ADGRA2: variants seen among roughly 807,000 people sequenced by gnomAD.
ADGRA2 encodes adhesion G protein-coupled receptor A2, also known as G-protein coupled receptor 124.
ADGRA2 carries 61 observed loss-of-function variants against 98.7 expected under a neutral mutation model. That is an observed-to-expected ratio of 0.62 (90% confidence interval 0.50 to 0.76). The LOEUF (loss-of-function observed/expected upper bound fraction) is 0.76. Ranked by LOEUF, ADGRA2 falls within the 30% of genes least tolerant of loss-of-function variation. ADGRA2 has a pLI of 0.00. For missense variants in ADGRA2, 1,712 were observed against 1,860.0 expected, an observed-to-expected ratio of 0.92 and a Z score of 1.46; for synonymous variants, 858 against 831.5, an observed-to-expected ratio of 1.03 and a Z score of -0.55.
intron 8 of ADGRA2, 33 bp downstream of exon 8, chr8:37,831,620 C>A: frequency 6.2e-7 from 1 of 1,600,224 alleles, no homozygotes. Flanking sequence ...GAGGGCTGCC[C>A]AGCCCCCAAC....
Position 37,830,054 on chromosome 8 carries a change from T to G in ADGRA2, c.718+40T>G. On this transcript the variant is annotated intron_variant, in intron 6 of 18. Coordinates refer to ENST00000412232, the MANE Select transcript of ADGRA2 (RefSeq NM_032777.10). The surrounding 1 kb of genome is among the most constrained non-coding windows in gnomAD (Gnocchi z 4.8). Reference sequence around the variant, plus strand: ...CCAGCTACACATCTCCCAGGGACCCTGCCTCTCCACCAACCCAGGGCCCAG... The same window carrying G: ...CCAGCTACACATCTCCCAGGGACCCGGCCTCTCCACCAACCCAGGGCCCAG... 7.2e-7 allele frequency: 1 copy of G among 1,389,668 alleles called. No homozygotes were observed. The highest frequency in any genetic ancestry group is 9.6e-7 in the Non-Finnish European group (1 of 1,040,280). The allele number at this position is 1,389,668 out of a possible 1,614,324, so 86.1% of individuals were successfully genotyped here.
chr8:37,829,555 G>A lies in ADGRA2; in HGVS notation c.550G>A (p.Val184Ile), dbSNP rs1805392471. ...GVFDELPALK[V>I]VDLGTEFLTC... ...CTTTGATGAGCTGCCAGCCCTTAAG[G>A]TTGTGTGAGTATCTCTTCCTAGCTC... The change falls in exon 5 of 19, where the codon GTT becomes ATT. Residue 184 changes from valine (V) to isoleucine (I), a missense_variant. Transcript: ENST00000412232. 1.9e-6 allele frequency: 3 copies of A among 1,607,074 alleles called. No individual in the cohort carries two copies. Among genetic ancestry groups the A allele is most frequent in the African/African-American group, 1.3e-5 (1 of 74,746 alleles).
At chr8:37,806,510 TTTC>T (rs1223990303) in intron 1 of ADGRA2, among the ~76,000 whole-genome samples, 2 of 136,564 alleles carry the variant, frequency 1.5e-5, no homozygotes, top group Non-Finnish European at 3.1e-5. Flanking sequence ...TCTTTTTCTT[TTTC>T]TTTTTTCTTT....
chr8:37,841,994 G>A lies in ADGRA2; in HGVS notation c.3656G>A (p.Ser1219Asn). The part of the protein sequence containing the change: ...AGALELLSSE[S>N]GSLHNSPTDS... ...GCGCTGGAGCTGCTGTCCAGCGAGA[G>A]CGGCAGTCTGCACAACAGCCCCACC... Residue 1219 changes from serine to asparagine, a missense_variant, in exon 19 of 19, where the codon AGC (serine) becomes AAC (asparagine). Physicochemically the swap from Ser to Asn is conservative, Grantham distance 46. Coordinates refer to ENST00000412232, the MANE Select transcript of ADGRA2 (RefSeq NM_032777.10). This position sits in a 1 kb window ranked among gnomAD's most constrained non-coding sequence, Gnocchi z 5.0. 1 of 1,512,868 alleles carries A rather than the reference G, an allele frequency of 6.6e-7. No individual in the cohort carries two copies. Among genetic ancestry groups the A allele is most frequent in the Non-Finnish European group, 8.8e-7 (1 of 1,138,312 alleles). 93.7% of individuals were successfully genotyped at this position (1,512,868 alleles called of 1,614,324 possible). A position where few individuals can be genotyped will look rare whatever the true frequency, so the allele number is the denominator to read the frequency against.
chr8:37,809,731 C>T (rs1420315326), intron 1 of ADGRA2, among the ~76,000 whole-genome samples: 1 of 152,168 alleles, frequency 6.6e-6, no homozygotes, highest in Non-Finnish European at 1.5e-5. Flanking sequence ...CTAGCCAAAC[C>T]GGAAGCGTGG....
rs1303562480 is a variant in ADGRA2, at chr8:37,841,785, G to GAA, written c.3447_3448insAA (p.Gly1150LysfsTer154). The GAA allele has an allele frequency of 8.5e-6, 13 of 1,533,488 alleles. No individual in the cohort carries two copies. Among genetic ancestry groups the GAA allele is most frequent in the African/African-American group, 4.2e-5 (3 of 72,072 alleles). The allele number at this position is 1,533,488 out of a possible 1,614,324, so 95.0% of individuals were successfully genotyped here. ...TGGCCCAGAGTCAGGTGTGCGAGGC[G>GAA]GGGGCGGCGGCCGGCGGGGAAGGAG... On this transcript the variant is annotated frameshift_variant, in exon 19 of 19. Transcript: ENST00000412232. LOFTEE classifies it low-confidence loss of function (END_TRUNC). This position sits in a 1 kb window ranked among gnomAD's most constrained non-coding sequence, Gnocchi z 5.0.
In ADGRA2 at chr8:37,802,278, G is replaced by C. The variant is rs1393228632; in HGVS notation, c.266+4744G>C. Among the ~76,000 whole-genome samples the C allele has an allele frequency of 6.6e-6, 1 of 152,194 alleles. No individual in the cohort carries two copies. On this transcript the variant is annotated intron_variant, in intron 1 of 18. Transcript: ENST00000412232. The surrounding 1 kb of genome is among the most constrained non-coding windows in gnomAD (Gnocchi z 4.7). The stretch of plus-strand genomic sequence containing the variant: ...GTGCCAAGCGTCGTGCACATGGCCC[G>C]AGGGCAGGACAAGGATGCTGGTGGA...
chr8:37,800,718 T>C lies in ADGRA2; in HGVS notation c.266+3184T>C, dbSNP rs544124530. 9.2e-5 allele frequency among the ~76,000 whole-genome samples: 14 copies of C among 152,296 alleles called. No individual in the cohort carries two copies. In the South Asian group the frequency reaches 2.7e-3, roughly 29 times the overall value. On this transcript the variant is annotated intron_variant, in intron 1 of 18. Coordinates refer to ENST00000412232, the MANE Select transcript of ADGRA2 (RefSeq NM_032777.10). ...ATCTGGGAAGGAGGGAGCTGCCGCT[T>C]CTTTTGCCCAGCAGCAAAGCCAGAG...
intron 17 of ADGRA2, 113 bp from the exon 18 acceptor site, chr8:37,840,644 GATA>G: frequency 1.4e-6 from 1 of 695,052 alleles, no homozygotes; most frequent in East Asian, 2.7e-5. Flanking sequence ...AAAAAATTCT[GATA>G]ATTTAAAGGG....
chr8:37,835,775 G>C lies in ADGRA2; in HGVS notation c.2050+5G>C. ...CCGTCATCTTCGCAGGAACCAGTAA[G>C]GGACTGAATTCCCCGCCCCGCCCAG... On this transcript the variant is annotated splice_donor_5th_base_variant and intron_variant, in intron 13 of 18. Coordinates refer to ENST00000412232, the MANE Select transcript of ADGRA2 (RefSeq NM_032777.10). 6.3e-7 allele frequency: 1 copy of C among 1,593,300 alleles called. No individual in the cohort carries two copies. Among genetic ancestry groups the C allele is most frequent in the Non-Finnish European group, 8.6e-7 (1 of 1,162,002 alleles).
Position 37,844,770 on chromosome 8 carries a change from G to C in ADGRA2, c.*2415G>C. 1 of 1,613,860 alleles carries C rather than the reference G, an allele frequency of 6.2e-7. No homozygotes were observed. The highest frequency in any genetic ancestry group is 8.5e-7 in the Non-Finnish European group (1 of 1,179,928). On this transcript the variant is annotated 3_prime_UTR_variant, in exon 19 of 19. Transcript: ENST00000412232. ...TTCTCCTTGCCCCTGTCCCCACCCC[G>C]GTGGCTCCTTCTCTCGGGTCTCCAC...
intron 1 of ADGRA2, among the ~76,000 whole-genome samples, chr8:37,806,957 G>T (rs1360694169): frequency 1.3e-5 from 2 of 152,200 alleles, no homozygotes; most frequent in Admixed American, 1.3e-4. Flanking sequence ...TGTAGAGAGG[G>T]TAGGTTAGAG....
At chr8:37,824,591 T>C (rs191910014) in intron 2 of ADGRA2, among the ~76,000 whole-genome samples, 2,105 of 151,464 alleles carry the variant, frequency 0.014, 62 homozygotes, top group African/African-American at 0.049. Context: ...CCTCCCGGGT[T>C]CAAGCGATTC....
chr8:37,832,911 A>C, intron 8 of ADGRA2, 99 bp from the exon 9 acceptor site: 1 of 874,790 alleles, frequency 1.1e-6, no homozygotes, highest in East Asian at 2.4e-5. Context: ...ATCCCTCCCC[A>C]AGGCCCCAAG....
In ADGRA2 at chr8:37,841,963, G is replaced by A. The variant is rs1402005064; in HGVS notation, c.3625G>A (p.Ala1209Thr). ...GCTCAAGGCCCTGCGCGGGGGCGCGGCGGGGGCGCTGGAGCTGCTGTCCAG... is the reference window on the plus strand; with the variant it reads ...GCTCAAGGCCCTGCGCGGGGGCGCGACGGGGGCGCTGGAGCTGCTGTCCAG... ...NRLKALRGGA[A>T]GALELLSSES... The change falls in exon 19 of 19, where the codon GCG becomes ACG. Residue 1209 changes from alanine to threonine, a missense_variant. By Grantham distance (58) the Ala-to-Thr change is moderately conservative. Transcript: ENST00000412232. The surrounding 1 kb of genome is among the most constrained non-coding windows in gnomAD (Gnocchi z 5.0). 2 of 1,501,378 alleles carry A rather than the reference G, an allele frequency of 1.3e-6. No homozygotes were observed. The highest frequency in any genetic ancestry group is 2.6e-5 in the East Asian group (1 of 38,220). 93.0% of individuals were successfully genotyped at this position (1,501,378 alleles called of 1,614,324 possible). A position where few individuals can be genotyped will look rare whatever the true frequency, so the allele number is the denominator to read the frequency against.
At position 37,835,610 on chromosome 8, in the gene ADGRA2, G is replaced by A. The variant is rs753561206; in HGVS notation, c.1890G>A (p.Pro630=). 4.8e-5 allele frequency: 77 copies of A among 1,613,658 alleles called. No individual in the cohort carries two copies. Among genetic ancestry groups the A allele is most frequent in the Non-Finnish European group, 5.5e-5 (65 of 1,179,782 alleles). ...QLPPSLFSSL[P]AALAPPVPPD... is the part of the protein sequence containing the mutation. ...CCCCGAGTCTATTCTCATCCCTTCC[G>A]GCTGCCCTGGCTCCCCCGGTGCCCC... The change falls in exon 13 of 19, where the codon CCG becomes CCA. Residue 630 remains proline, a synonymous_variant. Coordinates refer to ENST00000412232, the MANE Select transcript of ADGRA2 (RefSeq NM_032777.10).
At chr8:37,812,548 G>A (rs1382586236) in intron 1 of ADGRA2, among the ~76,000 whole-genome samples, 1 of 152,136 alleles carries the variant, frequency 6.6e-6, no homozygotes, top group African/African-American at 2.4e-5. Context: ...AATGGCGTGA[G>A]CCCGGGAGGC....
Position 37,797,374 on chromosome 8 carries a change from G to T in ADGRA2, c.106G>T (p.Gly36Cys). Residue 36 changes from glycine to cysteine, a missense_variant, in exon 1 of 19, where the codon GGC becomes TGC. Physicochemically the swap from Gly to Cys is radical, Grantham distance 159. Coordinates refer to ENST00000412232, the MANE Select transcript of ADGRA2 (RefSeq NM_032777.10). This position sits in a 1 kb window ranked among gnomAD's most constrained non-coding sequence, Gnocchi z 5.3. Reference sequence around the variant, plus strand: ...GGCGCCCGAGGCTCGGGGCGCGCCCGGCTGCCCGCTATCCATCCGCAGCTG... The same window carrying T: ...GGCGCCCGAGGCTCGGGGCGCGCCCTGCTGCCCGCTATCCATCCGCAGCTG... Reference protein sequence around the residue: ...LLAPEARGAPGCPLSIRSCKC... With the variant: ...LLAPEARGAPCCPLSIRSCKC... 1 of 1,425,876 alleles carries T rather than the reference G, an allele frequency of 7.0e-7. No homozygotes were observed. Among genetic ancestry groups the T allele is most frequent in the African/African-American group, 1.5e-5 (1 of 67,268 alleles). The allele number at this position is 1,425,876 out of a possible 1,614,324, so 88.3% of individuals were successfully genotyped here.
At chr8:37,832,133 A>T (rs376930703) in intron 8 of ADGRA2, among the ~76,000 whole-genome samples, 7 of 94,768 alleles carry the variant, frequency 7.4e-5, no homozygotes, top group African/African-American at 1.4e-4. Context: ...TTTTTTTTTG[A>T]GAGAGAGTCT....
Sources: gnomAD v4.1 joint callset for allele counts (sites outside exome capture counted in the v4.1 genomes callset) on GRCh38, gnomAD v4.1.1 for gene constraint, Gnocchi (gnomAD v3.1) non-coding constraint, MANE v1.5 for transcripts, NCBI Gene and HGNC (gene_info 2026-07-23, HGNC 2026-07-21) for gene names.